The following PRKCZ variants were observed in gnomAD, a reference collection of about 807,000 sequenced individuals.
The protein encoded by PRKCZ is protein kinase C zeta.
In PRKCZ, 33 loss-of-function variants were observed where a neutral mutation model predicts 79.5. The ratio of observed to expected loss-of-function variants is 0.41; its 90% CI spans 0.31 to 0.55. The LOEUF is 0.55. PRKCZ is among the 20% of genes least tolerant of loss of function. PRKCZ has a pLI of 0.19. For synonymous variants in PRKCZ, 342 were observed against 320.9 expected, an observed-to-expected ratio of 1.07 and a Z score of -0.70; for missense variants, 578 against 813.5, an observed-to-expected ratio of 0.71 and a Z score of 3.52.
At chr1:2,079,945 C>T (rs558383188) in intron 4 of PRKCZ, among the ~76,000 whole-genome samples, 3 of 152,212 alleles carry the variant, frequency 2.0e-5, no homozygotes, top group African/African-American at 4.8e-5. Context: ...CAAGCCCTCT[C>T]GTTCCCTGGC....
rs1020106917 is a variant in PRKCZ at position 2,094,768 on chromosome 1, C to T, written c.334+35177C>T. Among the ~76,000 whole-genome samples, 2 of 152,338 alleles carry T rather than the reference C, an allele frequency of 1.3e-5. No homozygotes were observed. Among genetic ancestry groups the T allele is most frequent in the Non-Finnish European group, 2.9e-5 (2 of 68,048 alleles). The stretch of plus-strand genomic sequence containing the variant: ...TGTGCCCGGCTCGTTGAACCTTGGG[C>T]GCTGCCCGTTCTGAGGCGTCTGCTG... On this transcript the variant is annotated intron_variant, in intron 4 of 17. Transcript: ENST00000378567. This position sits in a 1 kb window ranked among gnomAD's most constrained non-coding sequence, Gnocchi z 7.3.
At chr1:2,061,793 G>C (rs1012341991) in intron 4 of PRKCZ, among the ~76,000 whole-genome samples, 1 of 152,210 alleles carries the variant, frequency 6.6e-6, no homozygotes, top group Non-Finnish European at 1.5e-5. Flanking sequence ...CCAGGGCTTA[G>C]GGGGCTGGCG....
chr1:2,055,302 G>C (rs1660060777), intron 1 of PRKCZ, 139 bp from the exon 2 acceptor site: 3 of 1,053,102 alleles, frequency 2.8e-6, no homozygotes, highest in South Asian at 1.7e-5. Flanking sequence ...TGTGGGAGGG[G>C]GGAGGGGGTG....
intron 17 of PRKCZ, 103 bp downstream of exon 17, chr1:2,184,801 C>T: frequency 2.9e-6 from 4 of 1,381,254 alleles, no homozygotes; most frequent in South Asian, 2.5e-5. Flanking sequence ...TGAGTCCCAC[C>T]CGCCTGGTGT....
chr1:2,141,689 G>C (rs920914655), intron 5 of PRKCZ: 2 of 156,196 alleles, frequency 1.3e-5, no homozygotes, highest in African/African-American at 4.8e-5. Context: ...TGTGAATTTG[G>C]TCTTAACTAG....
intron 4 of PRKCZ, among the ~76,000 whole-genome samples, chr1:2,071,904 G>A (rs914034812): frequency 1.3e-5 from 2 of 152,244 alleles, no homozygotes; most frequent in African/African-American, 2.4e-5. Context: ...AGCACCCAAG[G>A]AGGTGCATGG....
rs747965356 is a variant in PRKCZ, at chr1:2,174,060, G to A, written c.1405+44G>A. 2.0e-6 allele frequency: 3 copies of A among 1,534,558 alleles called. No individual in the cohort carries two copies. The highest frequency in any genetic ancestry group is 2.6e-6 in the Non-Finnish European group (3 of 1,134,140). ...GTTCGTACCCCTCACCTGCACGACT[G>A]TCTTCCTTCCTTTTCAAAGGTGCAG... is the stretch of plus-strand genomic sequence containing the variant. On this transcript the variant is annotated intron_variant, in intron 14 of 17. Coordinates refer to ENST00000378567, the MANE Select transcript of PRKCZ (RefSeq NM_002744.6). The surrounding 1 kb of genome is among the most constrained non-coding windows in gnomAD (Gnocchi z 6.2).
In PRKCZ at chr1:2,144,233, C is replaced by G. The variant is rs201398081; in HGVS notation, c.444C>G (p.Ser148Arg). 1,886 of 1,552,840 alleles carry G rather than the reference C, an allele frequency of 1.2e-3. 21 individuals are homozygous for G. Among genetic ancestry groups the G allele is most frequent in the Non-Finnish European group, 6.9e-4 (795 of 1,147,430 alleles). The change falls in exon 6 of 18, where the codon AGC (serine) becomes AGG (arginine). Residue 148 changes from serine to arginine, a missense_variant. By Grantham distance (110) the Ser-to-Arg change is moderately radical (BLOSUM62 -1). Coordinates refer to ENST00000378567, the MANE Select transcript of PRKCZ (RefSeq NM_002744.6). The part of the protein sequence containing the change: ...FNRRAYCGQC[S>R]ERIWGLARQG... ...AGAGAGCGTACTGCGGTCAGTGCAG[C>G]GAGAGGATATGGGGCCTCGCGAGGC...
chr1:2,105,013 C>T (rs1485091141), intron 4 of PRKCZ: 3 of 755,408 alleles, frequency 4.0e-6, no homozygotes, highest in East Asian at 2.6e-4. Context: ...TCTGTGACAG[C>T]TCCCCTGTGA....
At position 2,184,648 on chromosome 1, in the gene PRKCZ, C is replaced by T; in HGVS notation, c.1641C>T (p.Asn547=). 1.2e-6 allele frequency: 2 copies of T among 1,614,100 alleles called. No individual in the cohort carries two copies. The highest frequency in any genetic ancestry group is 1.7e-6 in the Non-Finnish European group (2 of 1,180,018). ...TCACAGACGACTACGGTCTGGACAA[C>T]TTTGACACACAGTTCACCAGCGAGC... The part of the protein sequence containing the change: ...PQITDDYGLD[N]FDTQFTSEPV... The change falls in exon 17 of 18, where the codon AAC becomes AAT. Residue 547 remains asparagine (N), a synonymous_variant. Coordinates refer to ENST00000378567, the MANE Select transcript of PRKCZ (RefSeq NM_002744.6).
intron 3 of PRKCZ, among the ~76,000 whole-genome samples, 154 bp downstream of exon 3, chr1:2,056,727 G>A (rs760621759): frequency 5.0e-4 from 74 of 148,696 alleles, no homozygotes; most frequent in Non-Finnish European, 9.2e-4. Flanking sequence ...TTTTTTCTTT[G>A]ACTTTTTTTT....
At chr1:2,105,513 C>T (rs1308852567) in intron 4 of PRKCZ, among the ~76,000 whole-genome samples, 2 of 152,210 alleles carry the variant, frequency 1.3e-5, no homozygotes, top group Admixed American at 1.3e-4. Flanking sequence ...GATTCTCTTG[C>T]CTCGGCCTCC....
chr1:2,153,497 G>A (rs1193449198), intron 9 of PRKCZ, among the ~76,000 whole-genome samples: 1 of 152,202 alleles, frequency 6.6e-6, no homozygotes, highest in African/African-American at 2.4e-5. Flanking sequence ...GCGTGTCTGT[G>A]CAGTGCACAG....
In PRKCZ at chr1:2,148,047, T is replaced by G. The variant is rs376198332; in HGVS notation, c.635-825T>G. Reference sequence around the variant, plus strand: ...CTGACCTCTCCATCTATCCATCCACTGTCCACTGACCTCTCCATCTATCCA... The same window carrying G: ...CTGACCTCTCCATCTATCCATCCACGGTCCACTGACCTCTCCATCTATCCA... On this transcript the variant is annotated intron_variant, in intron 7 of 17. Coordinates refer to ENST00000378567, the MANE Select transcript of PRKCZ (RefSeq NM_002744.6). Among the ~76,000 whole-genome samples, 76 of 147,204 alleles carry G rather than the reference T, an allele frequency of 5.2e-4. No individual in the cohort carries two copies. In the East Asian group the frequency reaches 6.1e-3, roughly 12 times the overall value.
chr1:2,170,971 C>G (rs1421308338), intron 11 of PRKCZ, among the ~76,000 whole-genome samples: 2 of 152,224 alleles, frequency 1.3e-5, no homozygotes, highest in East Asian at 1.9e-4. Context: ...GAAGTAATCT[C>G]TTGAACACCC....
chr1:2,122,619 G>A (rs1345277410), intron 4 of PRKCZ, among the ~76,000 whole-genome samples: 1 of 12,244 alleles, frequency 8.2e-5, no homozygotes, highest in Non-Finnish European at 1.3e-4. Flanking sequence ...TTAGGGTCAC[G>A]GTGGTGGTTA....
In PRKCZ at chr1:2,085,014, G is replaced by GA. The variant is rs35913934; in HGVS notation, c.334+25435dup. The stretch of plus-strand genomic sequence containing the variant: ...ACAGAGTGAGACCCTCTTAAAAAAA[G>GA]AAAAAAAAAAAAGATGCAGGTCAGG... On this transcript the variant is annotated intron_variant, in intron 4 of 17. Transcript: ENST00000378567. 1.0e-3 allele frequency among the ~76,000 whole-genome samples: 146 copies of GA among 142,542 alleles called. 1 individual carries two copies. The highest frequency in any genetic ancestry group is 3.6e-3 in the Middle Eastern group (1 of 274). 93.5% of individuals were successfully genotyped at this position (142,542 alleles called of 152,430 possible). A position where few individuals can be genotyped will look rare whatever the true frequency, so the allele number is the denominator to read the frequency against.
chr1:2,077,458 G>T (rs1264205209), intron 4 of PRKCZ, among the ~76,000 whole-genome samples: 3 of 152,180 alleles, frequency 2.0e-5, no homozygotes, highest in Admixed American at 6.5e-5. Context: ...CTTGATTGTT[G>T]AAAGAATCCC....
chr1:2,136,682 G>A (rs1332663734), intron 5 of PRKCZ, among the ~76,000 whole-genome samples: 1 of 152,112 alleles, frequency 6.6e-6, no homozygotes, highest in Non-Finnish European at 1.5e-5. Context: ...TGTGGCTGGA[G>A]GTGGCCACAT....
Sources: allele counts gnomAD v4.1 joint callset (sites outside exome capture counted in the v4.1 genomes callset), GRCh38; gene constraint gnomAD v4.1.1; non-coding constraint Gnocchi (gnomAD v3.1); transcripts MANE v1.5; gene names NCBI Gene and HGNC (gene_info 2026-07-23, HGNC 2026-07-21).